ST18: variants seen among roughly 807,000 people sequenced by gnomAD.
ST18 encodes the protein suppression of tumorigenicity 18 protein.
ST18 carries 50 observed loss-of-function variants against 110.0 expected under a neutral mutation model. That is an observed-to-expected ratio of 0.45 (90% CI 0.36 to 0.58). The LOEUF is 0.58. Among genes scored for constraint, ST18 ranks in the 20% least tolerant of loss-of-function variants. The pLI is 0.00. For missense variants in ST18, 1,306 were observed against 1,280.1 expected, an observed-to-expected ratio of 1.02 and a Z score of -0.31; for synonymous variants, 461 against 452.4, an observed-to-expected ratio of 1.02 and a Z score of -0.24.
chr8:52,169,705 A>C (rs1308365261), intron 10 of ST18, among the ~76,000 whole-genome samples: 1 of 152,184 alleles, frequency 6.6e-6, no homozygotes, highest in Non-Finnish European at 1.5e-5. Flanking sequence ...CATCGGGAAC[A>C]AGGAATAGGA....
At chr8:52,247,451 C>T (rs2093952485) in intron 2 of ST18, among the ~76,000 whole-genome samples, 1 of 152,144 alleles carries the variant, frequency 6.6e-6, no homozygotes, top group Non-Finnish European at 1.5e-5. Flanking sequence ...CACTCCTTTT[C>T]ATCCACAGCG....
At chr8:52,284,465 C>G (rs1185717627) in intron 2 of ST18, among the ~76,000 whole-genome samples, 1 of 152,148 alleles carries the variant, frequency 6.6e-6, no homozygotes, top group Non-Finnish European at 1.5e-5. Flanking sequence ...CGATGTGTCT[C>G]CAAGTGACCA....
chr8:52,305,866 C>T (rs886955380), intron 2 of ST18, among the ~76,000 whole-genome samples: 4 of 152,224 alleles, frequency 2.6e-5, no homozygotes, highest in Non-Finnish European at 5.9e-5. Flanking sequence ...ACCATTGCCT[C>T]TTCACTATGT....
chr8:52,212,151 A>C, intron 7 of ST18, 42 bp from the exon 8 acceptor site: 1 of 1,575,942 alleles, frequency 6.3e-7, no homozygotes, highest in Non-Finnish European at 8.6e-7. Context: ...TAATCAGTTG[A>C]TAATTTTCAA....
At chr8:52,314,859 A>T (rs1002614949) in intron 2 of ST18, among the ~76,000 whole-genome samples, 1 of 151,622 alleles carries the variant, frequency 6.6e-6, no homozygotes, top group African/African-American at 2.4e-5. Context: ...CCATGGAGAG[A>T]CTCCTGCCCT....
rs1250373428 is a variant in ST18 at position 52,139,596 on chromosome 8, T to G, written c.2169-2113A>C. On this transcript the variant is annotated intron_variant, in intron 17 of 25. Transcript: ENST00000689386. ...GTTTCGAACTCCTGACCTCAGGTGATCTGCCTGCTTCGGCCTCCCAAAGTG... is the reference window on the plus strand; with the variant it reads ...GTTTCGAACTCCTGACCTCAGGTGAGCTGCCTGCTTCGGCCTCCCAAAGTG... 2.0e-5 allele frequency among the ~76,000 whole-genome samples: 3 copies of G among 152,292 alleles called. No homozygotes were observed. The East Asian group carries it at 5.8e-4, about 29-fold the overall frequency.
chr8:52,369,585 A>G (rs1313857450), intron 2 of ST18, among the ~76,000 whole-genome samples: 7 of 152,204 alleles, frequency 4.6e-5, no homozygotes, highest in African/African-American at 1.7e-4. Context: ...CTGTTTTTTT[A>G]TAAATCTCCA....
At chr8:52,365,459 A>C (rs1827487583) in intron 2 of ST18, among the ~76,000 whole-genome samples, 1 of 152,160 alleles carries the variant, frequency 6.6e-6, no homozygotes, top group African/African-American at 2.4e-5. Context: ...AATATATTTT[A>C]AGCAGAAGTA....
chr8:52,408,629 G>C (rs561096887), intron 2 of ST18, among the ~76,000 whole-genome samples: 3 of 152,218 alleles, frequency 2.0e-5, no homozygotes, highest in Non-Finnish European at 2.9e-5. Flanking sequence ...CAAGTACTGC[G>C]TAGTGACCAA....
Position 52,159,011 on chromosome 8 carries a change from G to T in ST18, c.1693C>A (p.Gln565Lys). The T allele has an allele frequency of 1.2e-6, 2 of 1,614,128 alleles. No homozygotes were observed. The highest frequency in any genetic ancestry group is 2.2e-5 in the South Asian group (2 of 91,042). ...PGRASSYSYG[Q>K]CSEDTHIAAA... ...GCTATGTGGGTGTCTTCACTACATTGACCGTAGCTATAAGAGCTGGCACGG... is the reference window on the plus strand; with the variant it reads ...GCTATGTGGGTGTCTTCACTACATTTACCGTAGCTATAAGAGCTGGCACGG... The change falls in exon 15 of 26, where the codon CAA becomes AAA. Residue 565 changes from glutamine to lysine, a missense_variant. Physicochemically the swap from Gln to Lys is moderately conservative, Grantham distance 53. Coordinates refer to ENST00000689386, the MANE Select transcript of ST18 (RefSeq NM_001352837.2).
chr8:52,132,242 G>T, intron 21 of ST18, 63 bp from the exon 22 acceptor site: 1 of 1,387,356 alleles, frequency 7.2e-7, no homozygotes, highest in Non-Finnish European at 9.8e-7. Flanking sequence ...ATGCTCTCCA[G>T]AGAACAAACC....
intron 10 of ST18, among the ~76,000 whole-genome samples, chr8:52,169,111 A>G (rs1216047357): frequency 6.6e-6 from 1 of 152,122 alleles, no homozygotes; most frequent in African/African-American, 2.4e-5. Flanking sequence ...GCCCACTGAC[A>G]GTCCACCGTG....
At chr8:52,116,538 G>A (rs995346455) in intron 24 of ST18, 120 bp from the exon 25 acceptor site, 5 of 968,498 alleles carry the variant, frequency 5.2e-6, no homozygotes, top group Non-Finnish European at 6.0e-6. Flanking sequence ...AGATGCATGC[G>A]TGTAACTTCT....
intron 8 of ST18, among the ~76,000 whole-genome samples, chr8:52,183,184 G>T (rs2070574002): frequency 6.6e-6 from 1 of 152,146 alleles, no homozygotes; most frequent in African/African-American, 2.4e-5. Context: ...GGATGAAACA[G>T]CAACCTCTCT....
At chr8:52,401,574 G>T (rs1842818681) in intron 2 of ST18, among the ~76,000 whole-genome samples, 1 of 151,304 alleles carries the variant, frequency 6.6e-6, no homozygotes, top group Admixed American at 6.6e-5. Context: ...TCTTTCTTCT[G>T]CTTGATCTAG....
At chr8:52,161,937 C>T (rs1013822140) in intron 13 of ST18, among the ~76,000 whole-genome samples, 10 of 152,202 alleles carry the variant, frequency 6.6e-5, no homozygotes, top group South Asian at 2.1e-4. Context: ...CAGGTGGGTG[C>T]GGTGGCTTAC....
At chr8:52,134,984 A>G (rs992542401) in intron 19 of ST18, among the ~76,000 whole-genome samples, 2 of 152,234 alleles carry the variant, frequency 1.3e-5, no homozygotes, top group Admixed American at 6.5e-5. Flanking sequence ...ATATTAAATA[A>G]TGAATATTCC....
intron 2 of ST18, among the ~76,000 whole-genome samples, chr8:52,273,155 A>G (rs570847324): frequency 1.3e-5 from 2 of 152,244 alleles, no homozygotes; most frequent in Non-Finnish European, 2.9e-5. Flanking sequence ...AATTACTAAC[A>G]TCACATCCAT....
At chr8:52,263,743 C>CTTTTT (rs755461916) in intron 2 of ST18, among the ~76,000 whole-genome samples, 1 of 94,596 alleles carries the variant, frequency 1.1e-5, no homozygotes, top group Non-Finnish European at 2.1e-5. Flanking sequence ...CAGTGCCTGG[C>CTTTTT]TTTTTTTTTT....
Sources: gnomAD v4.1 joint callset for allele counts (sites outside exome capture counted in the v4.1 genomes callset) on GRCh38, gnomAD v4.1.1 for gene constraint, MANE v1.5 for transcripts, NCBI Gene and HGNC (gene_info 2026-07-23, HGNC 2026-07-21) for gene names.